ADD2: variants seen among roughly 807,000 people sequenced by gnomAD.
ADD2 encodes adducin 2.
A neutral mutation model predicts 83.0 loss-of-function variants in ADD2; 23 were observed. The ratio of observed to expected loss-of-function variants is 0.28; its 90% CI spans 0.20 to 0.39. The LOEUF is 0.39. Among genes scored for constraint, ADD2 ranks in the 10% least tolerant of loss-of-function variants. The pLI is 1.00. For missense variants in ADD2, 758 were observed against 944.9 expected (o/e 0.80, Z 2.59); for synonymous variants, 375 against 375.4 (o/e 1.00, Z 0.01).
intron 15 of ADD2, among the ~76,000 whole-genome samples, chr2:70,667,299 A>G (rs1298777561): frequency 6.6e-6 from 1 of 152,092 alleles, no homozygotes; most frequent in Non-Finnish European, 1.5e-5. Flanking sequence ...AGGCAATGGG[A>G]GAACAGGTGA....
chr2:70,712,088 T>C (rs1672209119), intron 2 of ADD2, among the ~76,000 whole-genome samples: 1 of 152,196 alleles, frequency 6.6e-6, no homozygotes, highest in African/African-American at 2.4e-5. Context: ...TTATTCATGA[T>C]GTATTTTCGC....
chr2:70,665,064 A>G (rs539581173), intron 15 of ADD2, among the ~76,000 whole-genome samples: 2 of 152,270 alleles, frequency 1.3e-5, no homozygotes, highest in South Asian at 2.1e-4. Flanking sequence ...CCACATCACA[A>G]GAAGGAACCC....
chr2:70,670,774 T>C (rs1223542299), intron 15 of ADD2, among the ~76,000 whole-genome samples: 4 of 152,218 alleles, frequency 2.6e-5, no homozygotes, highest in African/African-American at 4.8e-5. Flanking sequence ...GTGAGCAGCC[T>C]GGCCAAGGCT....
intron 1 of ADD2, chr2:70,767,663 G>T: frequency 7.3e-7 from 1 of 1,373,504 alleles, no homozygotes; most frequent in Non-Finnish European, 9.3e-7. Flanking sequence ...GCCAGTGCTT[G>T]CAGCCCCGAT....
chr2:70,699,349 G>C (rs1671467771), intron 4 of ADD2, among the ~76,000 whole-genome samples: 1 of 152,084 alleles, frequency 6.6e-6, no homozygotes, highest in Non-Finnish European at 1.5e-5. Flanking sequence ...CTGAAATACA[G>C]GGATAAGGGG....
At chr2:70,761,158 T>C (rs1675065208) in intron 1 of ADD2, among the ~76,000 whole-genome samples, 2 of 151,756 alleles carry the variant, frequency 1.3e-5, no homozygotes, top group South Asian at 2.1e-4. Flanking sequence ...TCAGTCTAGA[T>C]AGCAGCTGTT....
Position 70,660,203 on chromosome 2 carries a change from CA to C in ADD2, c.*3221del, listed in dbSNP as rs1375182516. On this transcript the variant is annotated 3_prime_UTR_variant, in exon 16 of 16. Transcript: ENST00000264436. ...TTCTGTGCAAGGGAAGAAGAAATGGCAGGATGGCTGGACACCTCTCCCAGCA... is the reference window on the plus strand; with the variant it reads ...TTCTGTGCAAGGGAAGAAGAAATGGCGGATGGCTGGACACCTCTCCCAGCA... The C allele has an allele frequency of 6.6e-6, 1 of 152,204 alleles. No individual in the cohort carries two copies. Among genetic ancestry groups the C allele is most frequent in the Non-Finnish European group, 1.5e-5 (1 of 68,044 alleles). 9.4% of individuals were successfully genotyped at this position (152,204 alleles called of 1,614,324 possible). A position where few individuals can be genotyped will look rare whatever the true frequency, so the allele number is the denominator to read the frequency against.
At chr2:70,704,856 C>G (rs1367876144) in intron 3 of ADD2, among the ~76,000 whole-genome samples, 1 of 152,158 alleles carries the variant, frequency 6.6e-6, no homozygotes, top group Non-Finnish European at 1.5e-5. Context: ...GTGATTCTTT[C>G]GGGCTTCAGT....
At chr2:70,718,531 T>C (rs3771448) in intron 1 of ADD2, among the ~76,000 whole-genome samples, 47,168 of 152,170 alleles carry the variant, frequency 0.31, 7,965 homozygotes, top group African/African-American at 0.45. Flanking sequence ...ATGTGTTTAA[T>C]GCTTGTTGGG....
At position 70,706,157 on chromosome 2, in the gene ADD2, C is replaced by T; in HGVS notation, c.183+69G>A. 2.0e-6 allele frequency: 3 copies of T among 1,514,934 alleles called. No homozygotes were observed. The highest frequency in any genetic ancestry group is 1.2e-5 in the South Asian group (1 of 81,528). The allele number at this position is 1,514,934 out of a possible 1,614,324, so 93.8% of individuals were successfully genotyped here. Reference sequence around the variant, plus strand: ...AGGGAAAGAGGAGTTACTCATCTTTCGGGTGGGTACACGTCCTGAAGAGCC... The same window carrying T: ...AGGGAAAGAGGAGTTACTCATCTTTTGGGTGGGTACACGTCCTGAAGAGCC... On this transcript the variant is annotated intron_variant, in intron 3 of 15. Transcript: ENST00000264436. This position sits in a 1 kb window ranked among gnomAD's most constrained non-coding sequence, Gnocchi z 5.0.
chr2:70,707,418 G>A (rs985490083), intron 2 of ADD2, among the ~76,000 whole-genome samples: 4 of 152,274 alleles, frequency 2.6e-5, no homozygotes, highest in Non-Finnish European at 5.9e-5. Context: ...CAAGCTGGGG[G>A]AAACCTGTGG....
intron 14 of ADD2, chr2:70,673,473 G>A (rs1669994004): frequency 6.4e-6 from 4 of 625,558 alleles, no homozygotes; most frequent in Non-Finnish European, 1.1e-5. Context: ...TGTAACTATT[G>A]TTTAATTCAT....
intron 1 of ADD2, among the ~76,000 whole-genome samples, chr2:70,764,967 A>G (rs1414910549): frequency 6.6e-6 from 1 of 152,050 alleles, no homozygotes; most frequent in Admixed American, 6.5e-5. Context: ...CAACCCTATG[A>G]AACTTGTCCT....
At chr2:70,707,828 C>T (rs147001585) in intron 2 of ADD2, among the ~76,000 whole-genome samples, 84 of 152,370 alleles carry the variant, frequency 5.5e-4, no homozygotes, top group African/African-American at 1.9e-3. Flanking sequence ...CCTCCATGGG[C>T]TCCCATTCCA....
At position 70,735,858 on chromosome 2, in the gene ADD2, CTTT is replaced by C. The variant is rs374727628; in HGVS notation, c.-153-22677_-153-22675del. Among the ~76,000 whole-genome samples the C allele has an allele frequency of 2.8e-3, 204 of 72,504 alleles. 1 individual carries two copies. Among genetic ancestry groups the C allele is most frequent in the African/African-American group, 0.013 (191 of 14,440 alleles). 47.6% of individuals were successfully genotyped at this position (72,504 alleles called of 152,430 possible). A position where few individuals can be genotyped will look rare whatever the true frequency, so the allele number is the denominator to read the frequency against. ...CTTAGGTGCCCGCAGCCATGCCCGG[CTTT>C]TTTTTTTTTTTTTTTTTTTTTAGTA... On this transcript the variant is annotated intron_variant, in intron 1 of 15. Transcript: ENST00000264436.
chr2:70,697,842 G>C lies in ADD2; in HGVS notation c.323-1446C>G, dbSNP rs1271598003. Among the ~76,000 whole-genome samples, 6 of 152,304 alleles carry C rather than the reference G, an allele frequency of 3.9e-5. No homozygotes were observed. The South Asian group carries it at 1.2e-3, about 32-fold the overall frequency. ...GTGCTGGGCCAACATCCAGCGAGCAGAGTAGGCCTTGAATCACCCATGTCA... is the reference window on the plus strand; with the variant it reads ...GTGCTGGGCCAACATCCAGCGAGCACAGTAGGCCTTGAATCACCCATGTCA... On this transcript the variant is annotated intron_variant, in intron 4 of 15. Transcript: ENST00000264436.
In ADD2 at chr2:70,658,398, CTTATG is replaced by C. The variant is rs1404705081; in HGVS notation, c.*5022_*5026del. The C allele has an allele frequency of 4.6e-5, 7 of 152,296 alleles. No individual in the cohort carries two copies. In the East Asian group the frequency reaches 5.8e-4, roughly 13 times the overall value. 9.4% of individuals were successfully genotyped at this position (152,296 alleles called of 1,614,324 possible). A position where few individuals can be genotyped will look rare whatever the true frequency, so the allele number is the denominator to read the frequency against. On this transcript the variant is annotated 3_prime_UTR_variant, in exon 16 of 16. Coordinates refer to ENST00000264436, the MANE Select transcript of ADD2 (RefSeq NM_001617.4). ...AGTAATTACACTCCATGTACGCTTT[CTTATG>C]TTATGGTGCAAGTGGAAATGTGCAC... is the stretch of plus-strand genomic sequence containing the variant.
intron 15 of ADD2, among the ~76,000 whole-genome samples, chr2:70,667,943 C>T (rs148437869): frequency 3.9e-5 from 6 of 152,172 alleles, no homozygotes; most frequent in East Asian, 1.9e-4. Flanking sequence ...AATCAGTAGT[C>T]GGAATATAGA....
In ADD2 at chr2:70,662,807, TC is replaced by T. The variant is rs1553365291; in HGVS notation, c.*617del. Reference sequence around the variant, plus strand: ...CTCTTCCATCCATCATTCAAGAGGTTCCATGAAGAAAGCTCAGGGTTAATGT... The same window carrying T: ...CTCTTCCATCCATCATTCAAGAGGTTCATGAAGAAAGCTCAGGGTTAATGT... On this transcript the variant is annotated 3_prime_UTR_variant, in exon 16 of 16. Coordinates refer to ENST00000264436, the MANE Select transcript of ADD2 (RefSeq NM_001617.4). The T allele has an allele frequency of 6.6e-6, 1 of 152,526 alleles. No homozygotes were observed. The highest frequency in any genetic ancestry group is 2.4e-5 in the African/African-American group (1 of 41,422). The allele number at this position is 152,526 out of a possible 1,614,324, so 9.4% of individuals were successfully genotyped here. A position where few individuals can be genotyped will look rare whatever the true frequency, so the allele number is the denominator to read the frequency against.
Sources: gnomAD v4.1 joint callset for allele counts (sites outside exome capture counted in the v4.1 genomes callset) on GRCh38, gnomAD v4.1.1 for gene constraint, Gnocchi (gnomAD v3.1) non-coding constraint, MANE v1.5 for transcripts, NCBI Gene and HGNC (gene_info 2026-07-23, HGNC 2026-07-21) for gene names.